Variants in SGCZ observed in about 807,000 individuals in gnomAD.
The protein encoded by SGCZ is sarcoglycan zeta, also known as zeta-sarcoglycan.
In SGCZ, 40 loss-of-function variants were observed where a neutral mutation model predicts 41.3. The ratio of observed to expected loss-of-function variants is 0.97; its 90% CI spans 0.75 to 1.26. The LOEUF (loss-of-function observed/expected upper bound fraction) is 1.26. Ranked by LOEUF, SGCZ falls within the 50% of genes most tolerant of loss-of-function variation. The probability of loss-of-function intolerance (pLI) is 0.00; values close to 1 mark genes in which losing one functional copy is unlikely to be tolerated. For synonymous variants in SGCZ, 206 were observed against 137.5 expected, an observed-to-expected ratio of 1.50 and a Z score of -3.49; for missense variants, 552 against 369.8, an observed-to-expected ratio of 1.49 and a Z score of -4.04.
At chr8:15,061,552 A>G (rs1239407358) in intron 1 of SGCZ, among the ~76,000 whole-genome samples, 1 of 151,864 alleles carries the variant, frequency 6.6e-6, no homozygotes, top group Non-Finnish European at 1.5e-5. Flanking sequence ...ACAGGAAAAA[A>G]TTAAAAATAA....
chr8:14,266,256 G>C (rs1195482476), intron 3 of SGCZ, among the ~76,000 whole-genome samples: 1 of 152,058 alleles, frequency 6.6e-6, no homozygotes, highest in Non-Finnish European at 1.5e-5. Context: ...CTATGGGGCA[G>C]GGATGAAGCA....
At chr8:15,118,733 A>T (rs920837166) in intron 1 of SGCZ, among the ~76,000 whole-genome samples, 14 of 151,942 alleles carry the variant, frequency 9.2e-5, no homozygotes, top group African/African-American at 3.1e-4. Flanking sequence ...TATATTAGGA[A>T]AAAAAAATAG....
intron 1 of SGCZ, among the ~76,000 whole-genome samples, chr8:15,035,427 G>A (rs1024533942): frequency 2.0e-5 from 3 of 152,016 alleles, no homozygotes; most frequent in Admixed American, 1.3e-4. Context: ...CATAAGACAG[G>A]AAGAAAGGAA....
chr8:14,608,669 G>C (rs1446744534), intron 1 of SGCZ, among the ~76,000 whole-genome samples: 1 of 150,754 alleles, frequency 6.6e-6, no homozygotes, highest in Non-Finnish European at 1.5e-5. Context: ...GGTGGAAGCT[G>C]TTTGGGTCAT....
At position 14,198,439 on chromosome 8, in the gene SGCZ, T is replaced by C. The variant is rs376164187; in HGVS notation, c.425-33737A>G. ...AAGGAACAATGGACATTAGGGAATA[T>C]AAGAGGGAAGAAAGGAGAGAGCCAA... is the stretch of plus-strand genomic sequence containing the variant. On this transcript the variant is annotated intron_variant, in intron 4 of 7. Coordinates refer to ENST00000382080, the MANE Select transcript of SGCZ (RefSeq NM_139167.4). 7.2e-5 allele frequency among the ~76,000 whole-genome samples: 11 copies of C among 152,094 alleles called. 1 individual carries two copies. The East Asian group carries it at 1.2e-3, about 16-fold the overall frequency.
intron 1 of SGCZ, among the ~76,000 whole-genome samples, chr8:14,670,827 G>A (rs1585169896): frequency 6.6e-6 from 1 of 152,284 alleles, no homozygotes; most frequent in East Asian, 1.9e-4. Context: ...GTCTTAGTTT[G>A]CATAGATAGC....
intron 1 of SGCZ, among the ~76,000 whole-genome samples, chr8:14,654,946 G>A (rs150001529): frequency 7.8e-4 from 118 of 152,072 alleles, no homozygotes; most frequent in African/African-American, 2.8e-3. Flanking sequence ...ACTACAGGCA[G>A]GAAGCCACTG....
At chr8:14,880,572 G>C (rs1247649184) in intron 1 of SGCZ, among the ~76,000 whole-genome samples, 2 of 152,192 alleles carry the variant, frequency 1.3e-5, no homozygotes, top group African/African-American at 4.8e-5. Context: ...AATGATGATA[G>C]ACTGGATTAA....
At chr8:14,505,023 T>C (rs1228614377) in intron 2 of SGCZ, among the ~76,000 whole-genome samples, 8 of 152,026 alleles carry the variant, frequency 5.3e-5, no homozygotes, top group Admixed American at 2.0e-4. Context: ...AGATATAAAA[T>C]TTATTAAATT....
chr8:14,611,546 C>T, intron 1 of SGCZ, among the ~76,000 whole-genome samples: 1 of 152,014 alleles, frequency 6.6e-6, no homozygotes, highest in African/African-American at 2.4e-5. Context: ...ATGAAGAGTC[C>T]TCCAGTAATT....
chr8:14,555,938 T>C (rs1162458299), intron 1 of SGCZ, among the ~76,000 whole-genome samples: 1 of 152,052 alleles, frequency 6.6e-6, no homozygotes, highest in Non-Finnish European at 1.5e-5. Flanking sequence ...CTAAGAACAC[T>C]ATATATTATA....
At chr8:14,984,454 A>C (rs749212807) in intron 1 of SGCZ, among the ~76,000 whole-genome samples, 1 of 152,060 alleles carries the variant, frequency 6.6e-6, no homozygotes, top group African/African-American at 2.4e-5. Context: ...ATGTCTCTTA[A>C]ATCTCCTTTA....
intron 4 of SGCZ, among the ~76,000 whole-genome samples, chr8:14,175,984 T>C (rs1804531047): frequency 6.6e-6 from 1 of 152,132 alleles, no homozygotes; most frequent in Admixed American, 6.5e-5. Flanking sequence ...CGACAAAAAC[T>C]AGAATCACCG....
At chr8:14,550,837 C>T (rs935467350) in intron 2 of SGCZ, among the ~76,000 whole-genome samples, 3 of 151,948 alleles carry the variant, frequency 2.0e-5, no homozygotes, top group East Asian at 3.9e-4. Context: ...GAGAAAATAT[C>T]GTAAAATGAT....
Position 15,130,468 on chromosome 8 carries a change from G to A in SGCZ, c.39+107117C>T, listed in dbSNP as rs550304785. Among the ~76,000 whole-genome samples the A allele has an allele frequency of 4.0e-4, 61 of 152,230 alleles. 1 individual carries two copies. Among genetic ancestry groups the A allele is most frequent in the South Asian group, 1.2e-3 (6 of 4,826 alleles). On this transcript the variant is annotated intron_variant, in intron 1 of 7. Transcript: ENST00000382080. ...AAGAATTTTGTAGCAAATACATACA[G>A]GAAATGTTCTATATCCACAGTAAAT...
intron 5 of SGCZ, among the ~76,000 whole-genome samples, chr8:14,144,631 T>G (rs1803467991): frequency 6.6e-6 from 1 of 152,190 alleles, no homozygotes; most frequent in African/African-American, 2.4e-5. Context: ...GTCTTGTATC[T>G]TAAGTATCAG....
chr8:14,257,841 T>G (rs991272223), intron 3 of SGCZ, among the ~76,000 whole-genome samples: 2 of 152,178 alleles, frequency 1.3e-5, no homozygotes, highest in East Asian at 1.9e-4. Context: ...CTTTGGCAAT[T>G]TGTGTTAAGA....
intron 1 of SGCZ, among the ~76,000 whole-genome samples, chr8:15,140,077 C>G (rs1453795461): frequency 1.3e-5 from 2 of 151,852 alleles, no homozygotes; most frequent in African/African-American, 4.8e-5. Context: ...CTGGAGTGCA[C>G]TGATGCAATC....
intron 5 of SGCZ, among the ~76,000 whole-genome samples, chr8:14,147,116 G>C (rs374163920): frequency 6.6e-6 from 1 of 151,774 alleles, no homozygotes; most frequent in Admixed American, 6.6e-5. Context: ...ATGTACAATA[G>C]ATACACAAAA....
Sources: gnomAD v4.1 joint callset for allele counts (sites outside exome capture counted in the v4.1 genomes callset) on GRCh38, gnomAD v4.1.1 for gene constraint, MANE v1.5 for transcripts, NCBI Gene and HGNC (gene_info 2026-07-23, HGNC 2026-07-21) for gene names.